Variants in FHIT observed in about 807,000 individuals in gnomAD.
FHIT encodes fragile histidine triad diadenosine triphosphatase.
FHIT carries 19 observed loss-of-function variants against 17.9 expected under a neutral mutation model. That is an observed-to-expected ratio of 1.06 (90% CI 0.74 to 1.56). The LOEUF (loss-of-function observed/expected upper bound fraction) is 1.56. Among genes scored for constraint, FHIT ranks in the 40% most tolerant of loss-of-function variants. FHIT has a pLI of 0.00. For synonymous variants in FHIT, 81 were observed against 69.7 expected, an observed-to-expected ratio of 1.16 and a Z score of -0.81; for missense variants, 248 against 189.2, an observed-to-expected ratio of 1.31 and a Z score of -1.82.
chr3:60,591,069 A>G (rs2038068928), intron 4 of FHIT, among the ~76,000 whole-genome samples: 1 of 152,150 alleles, frequency 6.6e-6, no homozygotes, highest in Admixed American at 6.6e-5. Context: ...GCCCAGGATT[A>G]GAATATGTTC....
intron 3 of FHIT, among the ~76,000 whole-genome samples, chr3:60,824,845 T>C (rs1255541873): frequency 6.6e-6 from 1 of 152,180 alleles, no homozygotes; most frequent in East Asian, 1.9e-4. Flanking sequence ...CCTTCCACCA[T>C]GATTGTGAGG....
chr3:60,731,117 C>T (rs1179433154), intron 4 of FHIT, among the ~76,000 whole-genome samples: 4 of 151,758 alleles, frequency 2.6e-5, no homozygotes, highest in South Asian at 4.2e-4. Context: ...GGTGATAGAG[C>T]GAGACTCTGT....
Position 61,010,083 on chromosome 3 carries a change from T to C in FHIT, c.-111+31964A>G, listed in dbSNP as rs1281423569. On this transcript the variant is annotated intron_variant, in intron 3 of 9. Coordinates refer to ENST00000492590, the MANE Select transcript of FHIT (RefSeq NM_002012.4). ...TGGTAAATAACAACAAGCCTCAATG[T>C]TCTAAGAATAATCACATCACCTGAA... 3.9e-5 allele frequency among the ~76,000 whole-genome samples: 6 copies of C among 152,180 alleles called. No individual in the cohort carries two copies. The South Asian group carries it at 1.2e-3, about 31-fold the overall frequency.
chr3:60,641,272 T>A (rs1553685222), intron 4 of FHIT, among the ~76,000 whole-genome samples: 1 of 152,202 alleles, frequency 6.6e-6, no homozygotes, highest in African/African-American at 2.4e-5. Context: ...GAATCCATAC[T>A]ATTCTCTTGA....
rs879979380 is a variant in FHIT, at chr3:60,690,571, C to A, written c.-18+131348G>T. On this transcript the variant is annotated intron_variant, in intron 4 of 9. Coordinates refer to ENST00000492590, the MANE Select transcript of FHIT (RefSeq NM_002012.4). ...TGGAATAATTCTGTGAAAGCAGTAA[C>A]CCTCATAATCAAATCCTTTTTCTCC... 6 of 544,630 alleles carry A rather than the reference C, an allele frequency of 1.1e-5. No individual in the cohort carries two copies. In the East Asian group the frequency reaches 1.9e-4, roughly 18 times the overall value. The allele number at this position is 544,630 out of a possible 1,614,324, so 33.7% of individuals were successfully genotyped here.
At chr3:60,027,446 GC>G (rs1700798457) in intron 5 of FHIT, among the ~76,000 whole-genome samples, 2 of 151,908 alleles carry the variant, frequency 1.3e-5, no homozygotes, top group Non-Finnish European at 1.5e-5. Flanking sequence ...TCAGACATCG[GC>G]CCCATAATCT....
chr3:59,999,558 GT>G (rs1699648821), intron 7 of FHIT, among the ~76,000 whole-genome samples: 3 of 152,136 alleles, frequency 2.0e-5, no homozygotes, highest in Non-Finnish European at 4.4e-5. Context: ...GGATGATCTA[GT>G]GGAACGTGTC....
At chr3:59,830,141 C>T (rs1701116584) in intron 8 of FHIT, among the ~76,000 whole-genome samples, 1 of 152,082 alleles carries the variant, frequency 6.6e-6, no homozygotes, top group Admixed American at 6.6e-5. Context: ...CTTTGTTATG[C>T]TGGGAAGATA....
At chr3:60,385,550 A>C (rs1367687052) in intron 5 of FHIT, among the ~76,000 whole-genome samples, 1 of 152,228 alleles carries the variant, frequency 6.6e-6, no homozygotes, top group Non-Finnish European at 1.5e-5. Context: ...TAGAGTATGT[A>C]TACTATAATT....
At chr3:60,352,472 A>C (rs1209743039) in intron 5 of FHIT, among the ~76,000 whole-genome samples, 1 of 152,076 alleles carries the variant, frequency 6.6e-6, no homozygotes, top group Non-Finnish European at 1.5e-5. Context: ...TTAATACAAA[A>C]AGCTATGCTT....
chr3:61,039,495 C>T (rs938075965), intron 3 of FHIT, among the ~76,000 whole-genome samples: 1 of 152,100 alleles, frequency 6.6e-6, no homozygotes, highest in Non-Finnish European at 1.5e-5. Flanking sequence ...AAATGTGGCA[C>T]ATATACACCA....
At chr3:60,601,772 T>C (rs1553668851) in intron 4 of FHIT, among the ~76,000 whole-genome samples, 1 of 152,068 alleles carries the variant, frequency 6.6e-6, no homozygotes, top group African/African-American at 2.4e-5. Flanking sequence ...AAGTGTTTTA[T>C]AATATTAAGG....
At chr3:60,569,304 A>C (rs187669872) in intron 4 of FHIT, among the ~76,000 whole-genome samples, 213 of 152,198 alleles carry the variant, frequency 1.4e-3, no homozygotes, top group African/African-American at 4.9e-3. Context: ...CCTCCTGGCC[A>C]CCAAAGGACA....
chr3:60,852,823 G>A (rs1414554303), intron 3 of FHIT, among the ~76,000 whole-genome samples: 5 of 151,952 alleles, frequency 3.3e-5, no homozygotes, highest in African/African-American at 7.3e-5. Context: ...AAGCAGCATA[G>A]TGAGACCCTA....
intron 4 of FHIT, among the ~76,000 whole-genome samples, chr3:60,696,716 T>C (rs1192854124): frequency 4.6e-5 from 7 of 152,188 alleles, no homozygotes; most frequent in African/African-American, 9.7e-5. Context: ...TAAAAGGGAA[T>C]GTTCCTTAGT....
At chr3:59,840,679 G>T (rs532139747) in intron 8 of FHIT, among the ~76,000 whole-genome samples, 2 of 152,040 alleles carry the variant, frequency 1.3e-5, no homozygotes, top group Admixed American at 1.3e-4. Flanking sequence ...AGTCTTTTGC[G>T]TGGTTACATC....
At chr3:60,442,615 C>T (rs1281414681) in intron 5 of FHIT, among the ~76,000 whole-genome samples, 1 of 152,110 alleles carries the variant, frequency 6.6e-6, no homozygotes, top group Non-Finnish European at 1.5e-5. Flanking sequence ...GGGCTCTGTC[C>T]TGTCCCATTG....
intron 8 of FHIT, among the ~76,000 whole-genome samples, chr3:59,892,801 G>A (rs1381070114): frequency 6.6e-6 from 1 of 152,110 alleles, no homozygotes; most frequent in Non-Finnish European, 1.5e-5. Context: ...GGTTCAAAAT[G>A]AACCACCCAC....
At chr3:60,746,609 G>T (rs575259046) in intron 4 of FHIT, among the ~76,000 whole-genome samples, 325 of 152,278 alleles carry the variant, frequency 2.1e-3, no homozygotes, top group African/African-American at 7.3e-3. Context: ...AAGAAGGGAG[G>T]GATGGAGCAA....
Sources: gnomAD v4.1 joint callset for allele counts (sites outside exome capture counted in the v4.1 genomes callset) on GRCh38, gnomAD v4.1.1 for gene constraint, MANE v1.5 for transcripts, NCBI Gene and HGNC (gene_info 2026-07-23, HGNC 2026-07-21) for gene names.